Variants in MEI4 observed in about 807,000 individuals in gnomAD.
MEI4 encodes meiosis-specific protein MEI4.
A neutral mutation model predicts 31.4 loss-of-function variants in MEI4; 27 were observed. The ratio of observed to expected loss-of-function variants is 0.86; its 90% confidence interval spans 0.63 to 1.19. The LOEUF is 1.19. Ranked by LOEUF, MEI4 falls within the 50% of genes most tolerant of loss-of-function variation. The pLI, the probability that MEI4 is intolerant of heterozygous loss-of-function variation, is 0.00. For missense variants in MEI4, 329 were observed against 398.9 expected (o/e 0.82, Z 1.49); for synonymous variants, 122 against 145.4 (o/e 0.84, Z 1.16).
At chr6:77,716,946 G>A (rs138269142) in intron 2 of MEI4, 1 of 694,632 alleles carries the variant, frequency 1.4e-6, no homozygotes, top group African/African-American at 2.0e-5. Flanking sequence ...GTAGCATATT[G>A]TAGGGGTGGG....
chr6:77,656,101 A>G (rs1229076813), intron 1 of MEI4, among the ~76,000 whole-genome samples: 1 of 152,082 alleles, frequency 6.6e-6, no homozygotes, highest in Non-Finnish European at 1.5e-5. Context: ...GATTGCTTTC[A>G]CCATGGCAGA....
rs1766765385 is a variant in MEI4 at position 77,923,616 on chromosome 6, T to G, written c.*270T>G. The G allele has an allele frequency of 4.6e-6, 1 of 218,552 alleles. No homozygotes were observed. The highest frequency in any genetic ancestry group is 8.9e-6 in the Non-Finnish European group (1 of 112,770). 13.5% of individuals were successfully genotyped at this position (218,552 alleles called of 1,614,324 possible). A position where few individuals can be genotyped will look rare whatever the true frequency, so the allele number is the denominator to read the frequency against. ...TTTCACTCAATATAGTTTAGCTCTATTATTCTGTAAAATGGACCATTAATT... is the reference window on the plus strand; with the variant it reads ...TTTCACTCAATATAGTTTAGCTCTAGTATTCTGTAAAATGGACCATTAATT... On this transcript the variant is annotated 3_prime_UTR_variant, in exon 5 of 5. Transcript: ENST00000684080.
At chr6:77,697,189 C>T (rs1380217019) in intron 2 of MEI4, among the ~76,000 whole-genome samples, 1 of 152,090 alleles carries the variant, frequency 6.6e-6, no homozygotes, top group East Asian at 1.9e-4. Flanking sequence ...AGCGGTCTAT[C>T]AATTTTGTTG....
At chr6:77,751,529 G>A (rs1324593472) in intron 2 of MEI4, among the ~76,000 whole-genome samples, 3 of 152,016 alleles carry the variant, frequency 2.0e-5, no homozygotes, top group Admixed American at 6.6e-5. Context: ...AATTGGGTAA[G>A]TTCCTGAACA....
chr6:77,784,256 A>G (rs1768672359), intron 3 of MEI4, among the ~76,000 whole-genome samples: 1 of 152,154 alleles, frequency 6.6e-6, no homozygotes, highest in African/African-American at 2.4e-5. Flanking sequence ...AGAACAAAAT[A>G]TCTTTGTTTT....
intron 2 of MEI4, among the ~76,000 whole-genome samples, chr6:77,753,025 G>C (rs1359775281): frequency 6.6e-6 from 1 of 152,164 alleles, no homozygotes; most frequent in Non-Finnish European, 1.5e-5. Flanking sequence ...TTAATAAATG[G>C]TTTTGGGAAA....
At chr6:77,692,561 A>T (rs1279206835) in intron 2 of MEI4, among the ~76,000 whole-genome samples, 3 of 152,104 alleles carry the variant, frequency 2.0e-5, no homozygotes, top group Non-Finnish European at 2.9e-5. Context: ...GAGTTGAATT[A>T]GATCTGTGAT....
chr6:77,794,455 C>T (rs9361286), intron 3 of MEI4, among the ~76,000 whole-genome samples: 17 of 151,818 alleles, frequency 1.1e-4, no homozygotes, highest in Non-Finnish European at 1.8e-4. Context: ...CCCAGCTACT[C>T]GGGAGGGTGA....
intron 1 of MEI4, among the ~76,000 whole-genome samples, chr6:77,672,233 A>G (rs1768759518): frequency 6.6e-6 from 1 of 152,206 alleles, no homozygotes; most frequent in African/African-American, 2.4e-5. Context: ...TGAATTATTG[A>G]CACATGCTTT....
At chr6:77,868,391 A>G (rs1771104609) in intron 4 of MEI4, among the ~76,000 whole-genome samples, 1 of 150,180 alleles carries the variant, frequency 6.7e-6, no homozygotes, top group African/African-American at 2.4e-5. Context: ...CAAATTATTT[A>G]ATAAAATCTA....
intron 4 of MEI4, among the ~76,000 whole-genome samples, chr6:77,832,950 A>C (rs556915218): frequency 5.3e-5 from 8 of 152,196 alleles, no homozygotes; most frequent in African/African-American, 1.9e-4. Context: ...AGATTTTTGA[A>C]AGGTGGTTTT....
intron 1 of MEI4, among the ~76,000 whole-genome samples, chr6:77,684,260 G>A (rs953901407): frequency 6.6e-6 from 1 of 151,004 alleles, no homozygotes; most frequent in Non-Finnish European, 1.5e-5. Context: ...AAAATTTTGT[G>A]GGTACATAGT....
chr6:77,761,111 C>T lies in MEI4; in HGVS notation c.233-19C>T. 8.1e-7 allele frequency: 1 copy of T among 1,230,554 alleles called. No homozygotes were observed. The highest frequency in any genetic ancestry group is 3.1e-4 in the Middle Eastern group (1 of 3,204). 76.2% of individuals were successfully genotyped at this position (1,230,554 alleles called of 1,614,324 possible). On this transcript the variant is annotated intron_variant, in intron 2 of 4. Transcript: ENST00000684080. ...TTTCAGCTGCATGAAGATAATCCTT[C>T]TATTCCTTTATTTTTCAGGATACGT...
intron 4 of MEI4, among the ~76,000 whole-genome samples, chr6:77,859,437 G>A (rs917342857): frequency 2.0e-5 from 3 of 152,176 alleles, no homozygotes; most frequent in South Asian, 2.1e-4. Context: ...TTGAGGAATC[G>A]CCATACTGTC....
intron 3 of MEI4, among the ~76,000 whole-genome samples, chr6:77,761,968 GTTTCTA>G (rs1438760671): frequency 1.3e-5 from 2 of 151,902 alleles, no homozygotes; most frequent in African/African-American, 4.8e-5. Context: ...TCCCTTTTCT[GTTTCTA>G]TTTCTTATTC....
chr6:77,869,841 T>C (rs1458844904), intron 4 of MEI4, among the ~76,000 whole-genome samples: 1 of 152,108 alleles, frequency 6.6e-6, no homozygotes, highest in African/African-American at 2.4e-5. Context: ...GTTTCATGCT[T>C]GGGATAAATA....
At chr6:77,663,919 C>G (rs1362067383) in intron 1 of MEI4, among the ~76,000 whole-genome samples, 3 of 152,146 alleles carry the variant, frequency 2.0e-5, no homozygotes, top group African/African-American at 4.8e-5. Context: ...GTTGAACAGT[C>G]CGATTTTCAG....
chr6:77,748,818 T>A lies in MEI4; in HGVS notation c.233-12312T>A, dbSNP rs1298432229. On this transcript the variant is annotated intron_variant, in intron 2 of 4. Coordinates refer to ENST00000684080, the MANE Select transcript of MEI4 (RefSeq NM_001322247.2). ...CTTCATATAGATTTTCTAAGTCATC[T>A]CTTTGAAGTTCAAAGTTCCCAGTAG... 2.0e-5 allele frequency among the ~76,000 whole-genome samples: 3 copies of A among 152,320 alleles called. No homozygotes were observed. In the East Asian group the frequency reaches 5.8e-4, roughly 29 times the overall value.
chr6:77,672,853 G>A (rs2504263), intron 1 of MEI4, among the ~76,000 whole-genome samples: 104,157 of 152,112 alleles, frequency 0.68, 36,182 homozygotes, highest in African/African-American at 0.8. Context: ...TCTGTTTTAA[G>A]TGAGAAGGGA....
Sources: gnomAD v4.1 joint callset for allele counts (sites outside exome capture counted in the v4.1 genomes callset) on GRCh38, gnomAD v4.1.1 for gene constraint, MANE v1.5 for transcripts, NCBI Gene and HGNC (gene_info 2026-07-23, HGNC 2026-07-21) for gene names.